Variants in HLCS observed in about 807,000 individuals in gnomAD.
HLCS encodes holocarboxylase synthetase.
Under a neutral mutation model 75.0 loss-of-function variants are expected in HLCS, and 53 were observed. The ratio of observed to expected loss-of-function variants is 0.71; its 90% CI spans 0.57 to 0.89. The LOEUF (loss-of-function observed/expected upper bound fraction) is 0.89. Among genes scored for constraint, HLCS ranks in the 40% least tolerant of loss-of-function variants. The probability of loss-of-function intolerance (pLI) is 0.00; values close to 1 mark genes in which losing one functional copy is unlikely to be tolerated. For synonymous variants in HLCS, 431 were observed against 428.6 expected, an observed-to-expected ratio of 1.01 and a Z score of -0.07; for missense variants, 966 against 1,074.0, an observed-to-expected ratio of 0.90 and a Z score of 1.41.
chr21:36,862,259 T>C (rs1352176330), intron 6 of HLCS, among the ~76,000 whole-genome samples: 1 of 152,242 alleles, frequency 6.6e-6, no homozygotes, highest in East Asian at 1.9e-4. Flanking sequence ...AATATCCACA[T>C]GCAAGTTTTT....
At chr21:36,928,741 G>T (rs895259278) in intron 5 of HLCS, among the ~76,000 whole-genome samples, 2 of 152,132 alleles carry the variant, frequency 1.3e-5, no homozygotes, top group African/African-American at 4.8e-5. Flanking sequence ...TGGAGGGCCC[G>T]CAATGGGAAG....
At chr21:36,919,171 A>G (rs1396115394) in intron 5 of HLCS, among the ~76,000 whole-genome samples, 1 of 152,244 alleles carries the variant, frequency 6.6e-6, no homozygotes, top group Non-Finnish European at 1.5e-5. Flanking sequence ...AAGATTGGCC[A>G]TAAATGGATA....
intron 6 of HLCS, among the ~76,000 whole-genome samples, chr21:36,810,503 G>A (rs950861502): frequency 6.6e-6 from 1 of 152,210 alleles, no homozygotes; most frequent in African/African-American, 2.4e-5. Context: ...GCTCAAGAGT[G>A]CAGCTCAAGA....
At chr21:36,830,920 GA>G (rs985428494) in intron 6 of HLCS, among the ~76,000 whole-genome samples, 41 of 150,460 alleles carry the variant, frequency 2.7e-4, no homozygotes, top group African/African-American at 9.3e-4. Flanking sequence ...GTTATCCCCA[GA>G]AAGCCATTCC....
chr21:36,930,066 T>C (rs1241312421), intron 5 of HLCS, among the ~76,000 whole-genome samples, 185 bp downstream of exon 5: 1 of 152,232 alleles, frequency 6.6e-6, no homozygotes, highest in Non-Finnish European at 1.5e-5. Context: ...GTTGGCCCTC[T>C]CTTATATATA....
intron 6 of HLCS, among the ~76,000 whole-genome samples, chr21:36,874,246 CA>C (rs1176170676): frequency 6.6e-6 from 1 of 151,880 alleles, no homozygotes; most frequent in African/African-American, 2.4e-5. Context: ...ACTAAAAATA[CA>C]AAAAATTAGC....
At chr21:36,817,675 T>G (rs531720101) in intron 6 of HLCS, among the ~76,000 whole-genome samples, 189 of 152,330 alleles carry the variant, frequency 1.2e-3, no homozygotes, top group African/African-American at 4.3e-3. Context: ...ACATCCAAAC[T>G]GTGTGGATTT....
chr21:36,988,878 G>GCTTC (rs1208170587), intron 1 of HLCS, among the ~76,000 whole-genome samples: 2 of 152,068 alleles, frequency 1.3e-5, no homozygotes, highest in African/African-American at 4.8e-5. Flanking sequence ...TTTGGTCTTT[G>GCTTC]CTTCCCTCAA....
chr21:36,768,117 G>C (rs1486520251), intron 6 of HLCS, among the ~76,000 whole-genome samples: 1 of 152,266 alleles, frequency 6.6e-6, no homozygotes. Flanking sequence ...TTGCCGATCA[G>C]GTGCTGCGCA....
chr21:36,772,357 C>T (rs991032325), intron 6 of HLCS, among the ~76,000 whole-genome samples: 4 of 151,968 alleles, frequency 2.6e-5, no homozygotes, highest in Non-Finnish European at 5.9e-5. Flanking sequence ...AATACAGGGG[C>T]CAGGCTCAGT....
intron 6 of HLCS, among the ~76,000 whole-genome samples, chr21:36,770,307 C>A (rs1419421473): frequency 6.6e-6 from 1 of 151,878 alleles, no homozygotes; most frequent in African/African-American, 2.4e-5. Flanking sequence ...CCACCATGCC[C>A]AACAAATTTT....
intron 7 of HLCS, among the ~76,000 whole-genome samples, chr21:36,765,583 G>A (rs1476064289): frequency 6.6e-6 from 1 of 152,158 alleles, no homozygotes; most frequent in East Asian, 1.9e-4. Flanking sequence ...CTATTGTGGC[G>A]ATGGTTGCTC....
At chr21:36,867,933 CTT>C (rs2063615627) in intron 6 of HLCS, among the ~76,000 whole-genome samples, 1 of 152,062 alleles carries the variant, frequency 6.6e-6, no homozygotes, top group East Asian at 1.9e-4. Flanking sequence ...GGGAGGATCT[CTT>C]GAGGTCAGGA....
chr21:36,963,706 C>T (rs1029547770), intron 1 of HLCS, among the ~76,000 whole-genome samples: 3 of 152,002 alleles, frequency 2.0e-5, no homozygotes, highest in Admixed American at 6.6e-5. Context: ...GAGCCGAGAT[C>T]GTGCCATTGC....
chr21:36,811,007 GAGGAAA>G (rs933350419), intron 6 of HLCS, among the ~76,000 whole-genome samples: 14 of 152,200 alleles, frequency 9.2e-5, no homozygotes. Context: ...TGCTGATTGA[GAGGAAA>G]AGGAAGAGAA....
intron 6 of HLCS, among the ~76,000 whole-genome samples, chr21:36,799,358 G>A (rs1445297580): frequency 1.3e-5 from 2 of 152,178 alleles, no homozygotes; most frequent in African/African-American, 2.4e-5. Context: ...CACTTACCCT[G>A]TTCCATTCAT....
At position 36,757,879 on chromosome 21, in the gene HLCS, C is replaced by T. The variant is rs114950263; in HGVS notation, c.2237-1124G>A. ...GTAAGGCATTAAATCAAGTGCTGTACAGCACTGAAAATTCTCCCGTGTTCA... is the reference window on the plus strand; with the variant it reads ...GTAAGGCATTAAATCAAGTGCTGTATAGCACTGAAAATTCTCCCGTGTTCA... On this transcript the variant is annotated intron_variant, in intron 9 of 10. Coordinates refer to ENST00000674895, the MANE Select transcript of HLCS (RefSeq NM_001352514.2). Among the ~76,000 whole-genome samples the T allele has an allele frequency of 1.0e-2, 1,515 of 152,248 alleles. 20 individuals carry two copies. The highest frequency in any genetic ancestry group is 0.032 in the African/African-American group (1,317 of 41,542).
At chr21:36,866,911 T>C (rs1601563563) in intron 6 of HLCS, among the ~76,000 whole-genome samples, 6 of 152,228 alleles carry the variant, frequency 3.9e-5, no homozygotes. Flanking sequence ...AGAACTTTTA[T>C]GCTAGTGCTC....
At chr21:36,820,998 C>A (rs757394846) in intron 6 of HLCS, among the ~76,000 whole-genome samples, 2 of 152,140 alleles carry the variant, frequency 1.3e-5, no homozygotes, top group African/African-American at 2.4e-5. Flanking sequence ...GCGCCTGGGA[C>A]GTGAGGGTGC....
Sources: allele counts gnomAD v4.1 joint callset (sites outside exome capture counted in the v4.1 genomes callset), GRCh38; gene constraint gnomAD v4.1.1; transcripts MANE v1.5; gene names NCBI Gene and HGNC (gene_info 2026-07-23, HGNC 2026-07-21).